Variants in DOCK2 observed in about 807,000 individuals in gnomAD.
DOCK2 encodes dedicator of cytokinesis 2, also known as dedicator of cytokinesis protein 2.
Under a neutral mutation model 248.9 loss-of-function variants are expected in DOCK2, and 87 were observed. The observed-to-expected ratio is 0.35, with a 90% CI of 0.29 to 0.42. DOCK2 has a LOEUF of 0.42. DOCK2 is among the 10% of genes least tolerant of loss of function. The pLI, the probability that DOCK2 is intolerant of heterozygous loss-of-function variation, is 1.00. For synonymous variants in DOCK2, 805 were observed against 821.6 expected (o/e 0.98, Z 0.35); for missense variants, 1,747 against 2,300.2 (o/e 0.76, Z 4.92).
intron 25 of DOCK2, among the ~76,000 whole-genome samples, chr5:169,767,706 A>G (rs1692218777): frequency 6.6e-6 from 1 of 152,222 alleles, no homozygotes; most frequent in Non-Finnish European, 1.5e-5. Flanking sequence ...TGTCTGTTGT[A>G]TAACAGTACT....
intron 32 of DOCK2, among the ~76,000 whole-genome samples, chr5:170,018,464 C>A (rs916678791): frequency 2.6e-5 from 4 of 152,184 alleles, no homozygotes; most frequent in South Asian, 2.1e-4. Flanking sequence ...GATCCTCAAG[C>A]TATGTTTTAA....
intron 44 of DOCK2, among the ~76,000 whole-genome samples, chr5:170,066,139 A>G (rs1757487242): frequency 1.3e-5 from 2 of 151,984 alleles, no homozygotes; most frequent in Non-Finnish European, 2.9e-5. Context: ...TTTAGTAGAG[A>G]CGGGGTTTCA....
intron 22 of DOCK2, among the ~76,000 whole-genome samples, chr5:169,732,067 C>T (rs914716069): frequency 4.6e-5 from 7 of 152,024 alleles, no homozygotes; most frequent in South Asian, 2.1e-4. Context: ...TGCAGTGAGC[C>T]GAGATTGCAC....
intron 27 of DOCK2, among the ~76,000 whole-genome samples, chr5:169,856,406 G>A (rs1770897181): frequency 6.6e-6 from 1 of 152,058 alleles, no homozygotes; most frequent in African/African-American, 2.4e-5. Flanking sequence ...ACTGTTTACT[G>A]AAAAAAGTGA....
intron 23 of DOCK2, among the ~76,000 whole-genome samples, chr5:169,748,075 G>A (rs1763709192): frequency 2.6e-5 from 4 of 152,184 alleles, no homozygotes; most frequent in African/African-American, 7.2e-5. Context: ...CTGGGGGTGC[G>A]GGTGGGGGAA....
intron 42 of DOCK2, chr5:170,056,371 T>G: frequency 4.2e-6 from 1 of 240,906 alleles, no homozygotes; most frequent in Non-Finnish European, 8.0e-6. Flanking sequence ...CTCAGCTCCT[T>G]TGTTGCAGAT....
chr5:169,960,912 T>C (rs1397591803), intron 27 of DOCK2, among the ~76,000 whole-genome samples: 1 of 152,222 alleles, frequency 6.6e-6, no homozygotes, highest in Non-Finnish European at 1.5e-5. Flanking sequence ...GAAAAAATCA[T>C]AGTATATATA....
intron 44 of DOCK2, among the ~76,000 whole-genome samples, chr5:170,058,785 T>C (rs1757224490): frequency 6.6e-6 from 1 of 152,202 alleles, no homozygotes; most frequent in Non-Finnish European, 1.5e-5. Flanking sequence ...TTTCAAGCTA[T>C]TGTATCAGAC....
chr5:169,742,629 C>T (rs12514018), intron 22 of DOCK2, among the ~76,000 whole-genome samples: 13,830 of 152,244 alleles, frequency 0.091, 1,121 homozygotes, highest in Admixed American at 0.27. Context: ...TTGCTTTCTG[C>T]ATCCTGAGGT....
At chr5:169,856,064 C>G (rs1400638407) in intron 27 of DOCK2, among the ~76,000 whole-genome samples, 1 of 152,174 alleles carries the variant, frequency 6.6e-6, no homozygotes, top group Non-Finnish European at 1.5e-5. Flanking sequence ...TGAGATCTCA[C>G]TTGCTATCAT....
At chr5:169,869,961 C>T (rs1262999176) in intron 27 of DOCK2, among the ~76,000 whole-genome samples, 3 of 152,182 alleles carry the variant, frequency 2.0e-5, no homozygotes, top group African/African-American at 7.2e-5. Flanking sequence ...TTGCAGAACC[C>T]TGGCTTACAG....
intron 22 of DOCK2, among the ~76,000 whole-genome samples, chr5:169,742,275 T>A (rs1314308516): frequency 2.0e-5 from 3 of 152,224 alleles, no homozygotes; most frequent in Non-Finnish European, 4.4e-5. Context: ...TAATAGTAGC[T>A]GACATCTGTT....
intron 30 of DOCK2, among the ~76,000 whole-genome samples, chr5:170,001,955 C>T (rs964640387): frequency 6.6e-6 from 1 of 152,092 alleles, no homozygotes; most frequent in African/African-American, 2.4e-5. Context: ...TACAACCATA[C>T]CCTTTAGATA....
At chr5:169,937,293 T>C (rs1776039495) in intron 27 of DOCK2, among the ~76,000 whole-genome samples, 1 of 152,182 alleles carries the variant, frequency 6.6e-6, no homozygotes, top group Non-Finnish European at 1.5e-5. Flanking sequence ...ATCTGACCCT[T>C]TGAGAACAAG....
intron 14 of DOCK2, among the ~76,000 whole-genome samples, chr5:169,705,799 C>T (rs950085137): frequency 1.2e-4 from 18 of 152,286 alleles, no homozygotes; most frequent in South Asian, 6.2e-4. Flanking sequence ...GTAAACAGGA[C>T]ATGTGTTAGG....
chr5:169,715,924 T>C (rs1761883948), intron 19 of DOCK2, among the ~76,000 whole-genome samples: 1 of 152,216 alleles, frequency 6.6e-6, no homozygotes, highest in African/African-American at 2.4e-5. Flanking sequence ...ATAATGCTTG[T>C]GAGAATCATC....
At chr5:169,800,385 G>C (rs944390049) in intron 25 of DOCK2, among the ~76,000 whole-genome samples, 4 of 152,010 alleles carry the variant, frequency 2.6e-5, no homozygotes, top group African/African-American at 9.7e-5. Context: ...CACTTGTCAC[G>C]GACTGTCTCA....
chr5:169,979,448 C>T (rs1431872471), intron 27 of DOCK2, among the ~76,000 whole-genome samples: 8 of 152,168 alleles, frequency 5.3e-5, no homozygotes, highest in Non-Finnish European at 7.3e-5. Context: ...AATGTTATTC[C>T]ATGATTCTAT....
chr5:169,899,514 A>C (rs1773800471), intron 27 of DOCK2, among the ~76,000 whole-genome samples: 1 of 152,160 alleles, frequency 6.6e-6, no homozygotes, highest in Admixed American at 6.5e-5. Context: ...CCTCAAATGG[A>C]CTTGAGGATA....
Sources: allele counts gnomAD v4.1 joint callset (sites outside exome capture counted in the v4.1 genomes callset), GRCh38; gene constraint gnomAD v4.1.1; transcripts MANE v1.5; gene names NCBI Gene and HGNC (gene_info 2026-07-23, HGNC 2026-07-21).